CSMD1: variants seen among roughly 807,000 people sequenced by gnomAD.
The protein encoded by CSMD1 is CUB and Sushi multiple domains 1, also known as CUB and sushi domain-containing protein 1.
Under a neutral mutation model 417.5 loss-of-function variants are expected in CSMD1, and 213 were observed. That is an observed-to-expected ratio of 0.51 (90% confidence interval 0.46 to 0.57). The LOEUF (loss-of-function observed/expected upper bound fraction) is 0.57, where lower values mean the gene tolerates loss of function less well. Ranked by LOEUF, CSMD1 falls within the 20% of genes least tolerant of loss-of-function variation. The pLI, the probability that CSMD1 is intolerant of heterozygous loss-of-function variation, is 0.00. For synonymous variants in CSMD1, 2,862 were observed against 1,736.8 expected, an observed-to-expected ratio of 1.65 and a Z score of -16.11; for missense variants, 6,923 against 4,529.7, an observed-to-expected ratio of 1.53 and a Z score of -15.17.
At chr8:3,037,356 C>T (rs940526218) in intron 50 of CSMD1, among the ~76,000 whole-genome samples, 1 of 136,502 alleles carries the variant, frequency 7.3e-6, no homozygotes, top group Non-Finnish European at 1.7e-5. Context: ...CAGGCGCCCG[C>T]CACCAAGCCC....
At chr8:3,039,314 C>T (rs1346996099) in intron 50 of CSMD1, among the ~76,000 whole-genome samples, 1 of 149,318 alleles carries the variant, frequency 6.7e-6, no homozygotes, top group Non-Finnish European at 1.5e-5. Context: ...CTCTCCCTCC[C>T]TTCCTTCTTT....
At chr8:3,971,047 G>A (rs1313274960) in intron 5 of CSMD1, among the ~76,000 whole-genome samples, 4 of 152,126 alleles carry the variant, frequency 2.6e-5, no homozygotes, top group Non-Finnish European at 4.4e-5. Context: ...CACCGCGCCC[G>A]GCCTACATGG....
At chr8:4,793,447 C>A (rs11787015) in intron 1 of CSMD1, among the ~76,000 whole-genome samples, 2 of 151,784 alleles carry the variant, frequency 1.3e-5, no homozygotes, top group African/African-American at 4.9e-5. Flanking sequence ...ATCACTTTCT[C>A]CTCCAGCTCC....
chr8:4,836,689 C>A (rs1355140855), intron 1 of CSMD1, among the ~76,000 whole-genome samples: 2 of 152,128 alleles, frequency 1.3e-5, no homozygotes, highest in African/African-American at 4.8e-5. Context: ...TTCATCTCGT[C>A]GCTTCCACCT....
intron 3 of CSMD1, among the ~76,000 whole-genome samples, chr8:4,158,194 G>A (rs887095851): frequency 1.3e-5 from 2 of 150,614 alleles, no homozygotes; most frequent in African/African-American, 2.5e-5. Context: ...CCTTTCCTAA[G>A]CCCAGACATA....
At chr8:3,664,686 A>G (rs1334288012) in intron 7 of CSMD1, among the ~76,000 whole-genome samples, 2 of 152,254 alleles carry the variant, frequency 1.3e-5, no homozygotes, top group South Asian at 2.1e-4. Flanking sequence ...AAGAAGCTGA[A>G]AAGAGCTGGC....
At chr8:3,911,469 A>C (rs1260420251) in intron 5 of CSMD1, among the ~76,000 whole-genome samples, 1 of 151,504 alleles carries the variant, frequency 6.6e-6, no homozygotes, top group Admixed American at 6.6e-5. Flanking sequence ...CGGAGCCTGC[A>C]GTGAGCCAAG....
At chr8:4,070,133 C>T (rs1254830928) in intron 3 of CSMD1, among the ~76,000 whole-genome samples, 3 of 151,884 alleles carry the variant, frequency 2.0e-5, no homozygotes, top group Admixed American at 1.3e-4. Context: ...AATATTACAC[C>T]AATTTTATTT....
chr8:2,992,174 C>T (rs1274341611), intron 54 of CSMD1, among the ~76,000 whole-genome samples: 1 of 151,910 alleles, frequency 6.6e-6, no homozygotes, highest in African/African-American at 2.4e-5. Context: ...GACATGCACA[C>T]ACATGAACAC....
chr8:4,009,679 T>C (rs573131342), intron 4 of CSMD1, among the ~76,000 whole-genome samples: 67 of 152,000 alleles, frequency 4.4e-4, no homozygotes, highest in African/African-American at 1.5e-3. Context: ...TACTGGGAGA[T>C]ATTATTGAGG....
chr8:4,265,166 T>C (rs544824893), intron 3 of CSMD1, among the ~76,000 whole-genome samples: 8 of 152,154 alleles, frequency 5.3e-5, no homozygotes, highest in Non-Finnish European at 1.0e-4. Flanking sequence ...TAAAAATAAA[T>C]AGTGGAACCT....
intron 2 of CSMD1, among the ~76,000 whole-genome samples, chr8:4,633,108 G>C (rs1298734451): frequency 2.0e-5 from 3 of 152,138 alleles, no homozygotes; most frequent in South Asian, 2.1e-4. Context: ...GGGGAGCCTG[G>C]GGCAGGAAAG....
chr8:4,206,387 C>T (rs1272555038), intron 3 of CSMD1, among the ~76,000 whole-genome samples: 3 of 152,138 alleles, frequency 2.0e-5, no homozygotes, highest in African/African-American at 4.8e-5. Flanking sequence ...ATATTCCCCA[C>T]CCTGTCTCCA....
At position 4,256,872 on chromosome 8, in the gene CSMD1, G is replaced by A. The variant is rs139899004; in HGVS notation, c.415+163081C>T. On this transcript the variant is annotated intron_variant, in intron 3 of 69. Transcript: ENST00000635120. ...AGAGTCACCATCGCATAAAGGGGGA[G>A]AATCGCTACTGGACGATGTGGTTCA... Among the ~76,000 whole-genome samples, 402 of 152,298 alleles carry A rather than the reference G, an allele frequency of 2.6e-3. 4 individuals are homozygous for A. The highest frequency in any genetic ancestry group is 9.2e-3 in the African/African-American group (381 of 41,560).
chr8:4,727,938 T>C lies in CSMD1; in HGVS notation c.86-90380A>G, dbSNP rs867949281. On this transcript the variant is annotated intron_variant, in intron 1 of 69. Transcript: ENST00000635120. ...ACCAAATACATCTAATATATATATA[T>C]ACAAAATATATATATGTATATATAT... 5.8e-4 allele frequency among the ~76,000 whole-genome samples: 78 copies of C among 134,700 alleles called. No individual in the cohort carries two copies. The Middle Eastern group carries it at 0.022, about 38-fold the overall frequency. 88.4% of individuals were successfully genotyped at this position (134,700 alleles called of 152,430 possible).
chr8:4,051,365 T>C (rs747888503), intron 3 of CSMD1, among the ~76,000 whole-genome samples: 4 of 151,642 alleles, frequency 2.6e-5, no homozygotes, highest in Non-Finnish European at 4.4e-5. Flanking sequence ...TCTTTCACTG[T>C]TGGCATGATC....
At chr8:3,980,687 C>A (rs564125334) in intron 5 of CSMD1, among the ~76,000 whole-genome samples, 2 of 152,242 alleles carry the variant, frequency 1.3e-5, no homozygotes, top group African/African-American at 4.8e-5. Flanking sequence ...TATTGAGAAT[C>A]TGGAGAATTT....
At chr8:3,137,660 A>G (rs1818181693) in intron 41 of CSMD1, among the ~76,000 whole-genome samples, 1 of 152,220 alleles carries the variant, frequency 6.6e-6, no homozygotes, top group South Asian at 2.1e-4. Flanking sequence ...AGCCATCTCT[A>G]AATTTCTTAT....
chr8:4,367,907 C>T (rs1015630715), intron 3 of CSMD1, among the ~76,000 whole-genome samples: 2 of 152,080 alleles, frequency 1.3e-5, no homozygotes, highest in African/African-American at 4.8e-5. Flanking sequence ...ATTTTGTATC[C>T]TGAAACATTA....
Sources: gnomAD v4.1 joint callset for allele counts (sites outside exome capture counted in the v4.1 genomes callset) on GRCh38, gnomAD v4.1.1 for gene constraint, MANE v1.5 for transcripts, NCBI Gene and HGNC (gene_info 2026-07-23, HGNC 2026-07-21) for gene names.